Variants in EFCAB11 observed in about 807,000 individuals in gnomAD.
EFCAB11 encodes the protein EF-hand calcium binding domain 11.
Under a neutral mutation model 23.0 loss-of-function variants are expected in EFCAB11, and 14 were observed. That is an observed-to-expected ratio of 0.61 (90% CI 0.40 to 0.95). The LOEUF (loss-of-function observed/expected upper bound fraction) is 0.95, where lower values mean the gene tolerates loss of function less well. EFCAB11 is among the 40% of genes least tolerant of loss of function. The pLI is 0.00. For missense variants in EFCAB11, 198 were observed against 195.8 expected, an observed-to-expected ratio of 1.01 and a Z score of -0.07; for synonymous variants, 65 against 66.6, an observed-to-expected ratio of 0.98 and a Z score of 0.11.
At chr14:89,860,242 T>C (rs1304228899) in intron 5 of EFCAB11, among the ~76,000 whole-genome samples, 1 of 152,096 alleles carries the variant, frequency 6.6e-6, no homozygotes, top group Admixed American at 6.6e-5. Context: ...CGGGCACCCA[T>C]CATCCCTGTT....
chr14:89,863,887 A>T (rs1347491479), intron 5 of EFCAB11, among the ~76,000 whole-genome samples: 1 of 152,260 alleles, frequency 6.6e-6, no homozygotes, highest in Non-Finnish European at 1.5e-5. Flanking sequence ...AGTATTTTTA[A>T]AACTGAAAAT....
At chr14:89,828,662 GT>G (rs1886784729) in intron 5 of EFCAB11, among the ~76,000 whole-genome samples, 1 of 152,154 alleles carries the variant, frequency 6.6e-6, no homozygotes, top group Non-Finnish European at 1.5e-5. Context: ...CAAAAATTCA[GT>G]TAAAAACCAC....
At chr14:89,905,151 C>T (rs1195114394) in intron 5 of EFCAB11, among the ~76,000 whole-genome samples, 1 of 152,146 alleles carries the variant, frequency 6.6e-6, no homozygotes, top group Non-Finnish European at 1.5e-5. Context: ...CCTATGAGTA[C>T]ATGTGGTCCC....
intron 3 of EFCAB11, among the ~76,000 whole-genome samples, chr14:89,936,260 T>G (rs556034513): frequency 2.0e-5 from 3 of 152,204 alleles, no homozygotes; most frequent in African/African-American, 7.2e-5. Context: ...TCCTGGTTCA[T>G]CGTGTAATTC....
Position 89,821,205 on chromosome 14 carries a change from C to T in EFCAB11, c.411-23881G>A, listed in dbSNP as rs141144705. On this transcript the variant is annotated intron_variant, in intron 5 of 5. Coordinates refer to ENST00000316738, the MANE Select transcript of EFCAB11 (RefSeq NM_145231.4). ...AGTAGACTTTGAGTAAAGCAGATTG[C>T]GCTCCATAATGTAAGTGGACTCATT... Among the ~76,000 whole-genome samples the T allele has an allele frequency of 3.0e-3, 452 of 152,130 alleles. 4 individuals are homozygous for T. Among genetic ancestry groups the T allele is most frequent in the African/African-American group, 0.01 (432 of 41,462 alleles).
chr14:89,866,460 T>G (rs1888095223), intron 5 of EFCAB11, among the ~76,000 whole-genome samples: 1 of 152,232 alleles, frequency 6.6e-6, no homozygotes, highest in African/African-American at 2.4e-5. Context: ...CAAAGCTGCC[T>G]CCTGGCCTCT....
intron 5 of EFCAB11, among the ~76,000 whole-genome samples, chr14:89,921,331 T>C (rs1356966077): frequency 6.6e-6 from 1 of 152,188 alleles, no homozygotes; most frequent in African/African-American, 2.4e-5. Flanking sequence ...TTTCTGTCTG[T>C]AGGGGCCTTG....
intron 3 of EFCAB11, among the ~76,000 whole-genome samples, chr14:89,944,919 AT>A (rs1226180857): frequency 7.4e-6 from 1 of 135,862 alleles, no homozygotes; most frequent in African/African-American, 2.7e-5. Context: ...AAAATATTAG[AT>A]TTTATTAGAT....
intron 5 of EFCAB11, among the ~76,000 whole-genome samples, chr14:89,804,219 G>A (rs1885889504): frequency 6.6e-6 from 1 of 152,208 alleles, no homozygotes; most frequent in Non-Finnish European, 1.5e-5. Flanking sequence ...CCTTCTTCAT[G>A]CACAGAGCAG....
chr14:89,891,127 C>G (rs1448969170), intron 5 of EFCAB11, among the ~76,000 whole-genome samples: 1 of 151,724 alleles, frequency 6.6e-6, no homozygotes, highest in African/African-American at 2.4e-5. Flanking sequence ...AGGAGCCTGG[C>G]AAAAACACAT....
chr14:89,925,493 T>TATAGTACAAACAGC (rs1890160931), intron 5 of EFCAB11, among the ~76,000 whole-genome samples: 1 of 152,174 alleles, frequency 6.6e-6, no homozygotes, highest in Non-Finnish European at 1.5e-5. Context: ...GTACAAACAG[T>TATAGTACAAACAGC]ACTATAGTAC....
intron 5 of EFCAB11, among the ~76,000 whole-genome samples, chr14:89,912,824 C>T (rs1424389599): frequency 6.6e-6 from 1 of 152,172 alleles, no homozygotes; most frequent in African/African-American, 2.4e-5. Context: ...TCTGTGTACT[C>T]GATTTCCATG....
upstream of EFCAB11, chr14:89,954,764 G>A (rs1289699177): frequency 1.8e-5 from 27 of 1,492,304 alleles, no homozygotes; most frequent in Non-Finnish European, 2.2e-5. Context: ...TCAGGAAGCC[G>A]AACTTCACCG....
chr14:89,797,105 C>T lies in EFCAB11; in HGVS notation c.*138G>A, dbSNP rs896582428. Reference sequence around the variant, plus strand: ...TGTGTGTGTATGTATACATATGCACCTACTATGTACCCACAAAAATTAAAA... The same window carrying T: ...TGTGTGTGTATGTATACATATGCACTTACTATGTACCCACAAAAATTAAAA... On this transcript the variant is annotated 3_prime_UTR_variant, in exon 6 of 6. Coordinates refer to ENST00000316738, the MANE Select transcript of EFCAB11 (RefSeq NM_145231.4). 2.0e-5 allele frequency: 13 copies of T among 639,388 alleles called. No individual in the cohort carries two copies. In the African/African-American group the frequency reaches 2.4e-4, roughly 12 times the overall value. 39.6% of individuals were successfully genotyped at this position (639,388 alleles called of 1,614,324 possible).
chr14:89,888,796 T>A (rs1351221999), intron 5 of EFCAB11, among the ~76,000 whole-genome samples: 1 of 152,198 alleles, frequency 6.6e-6, no homozygotes, highest in African/African-American at 2.4e-5. Flanking sequence ...TACAGAAGTG[T>A]CAGAAAAAAA....
At chr14:89,931,951 G>C (rs1314799883) in intron 4 of EFCAB11, among the ~76,000 whole-genome samples, 1 of 152,162 alleles carries the variant, frequency 6.6e-6, no homozygotes, top group Non-Finnish European at 1.5e-5. Flanking sequence ...TTGAGTCTTT[G>C]CGAGTTGCCA....
chr14:89,823,187 C>G (rs1013983929), intron 5 of EFCAB11, among the ~76,000 whole-genome samples: 1 of 152,042 alleles, frequency 6.6e-6, no homozygotes, highest in Admixed American at 6.6e-5. Flanking sequence ...TATGACATAC[C>G]ATTGTTGCTT....
chr14:89,813,514 T>G (rs898865953), intron 5 of EFCAB11, among the ~76,000 whole-genome samples: 3 of 152,196 alleles, frequency 2.0e-5, no homozygotes, highest in African/African-American at 7.2e-5. Flanking sequence ...TATGGTTGTT[T>G]GGTTTGTTTT....
chr14:89,803,314 C>G (rs1330655400), intron 5 of EFCAB11, among the ~76,000 whole-genome samples: 1 of 152,198 alleles, frequency 6.6e-6, no homozygotes, highest in African/African-American at 2.4e-5. Context: ...AGATGATTGT[C>G]CCAACACTCT....
Sources: allele counts gnomAD v4.1 joint callset (sites outside exome capture counted in the v4.1 genomes callset), GRCh38; gene constraint gnomAD v4.1.1; transcripts MANE v1.5; gene names NCBI Gene and HGNC (gene_info 2026-07-23, HGNC 2026-07-21).